The following FBXW11 variants were observed in gnomAD, a reference collection of about 807,000 sequenced individuals.
FBXW11 encodes the protein F-box/WD repeat-containing protein 11.
FBXW11 carries 19 observed loss-of-function variants against 77.6 expected under a neutral mutation model. The observed-to-expected ratio is 0.24, with a 90% confidence interval of 0.17 to 0.36. The LOEUF (loss-of-function observed/expected upper bound fraction) is 0.36, where lower values mean the gene tolerates loss of function less well. Among genes scored for constraint, FBXW11 ranks in the 10% least tolerant of loss-of-function variants. The probability of loss-of-function intolerance (pLI) is 1.00; values close to 1 mark genes in which losing one functional copy is unlikely to be tolerated. For missense variants in FBXW11, 334 were observed against 704.2 expected (o/e 0.47, Z 5.95); for synonymous variants, 235 against 249.4 (o/e 0.94, Z 0.54).
At chr5:171,974,578 C>T (rs547794361) in intron 1 of FBXW11, among the ~76,000 whole-genome samples, 6 of 151,780 alleles carry the variant, frequency 4.0e-5, no homozygotes, top group South Asian at 2.1e-4. Flanking sequence ...AGGAAGAAGC[C>T]GAGCATAACC....
intron 2 of FBXW11, among the ~76,000 whole-genome samples, chr5:171,917,880 G>T (rs1447229888): frequency 6.6e-6 from 1 of 151,208 alleles, no homozygotes; most frequent in East Asian, 1.9e-4. Context: ...AGATACAAAA[G>T]GTTCTATAAT....
At chr5:171,906,313 C>A (rs1760515921) in intron 4 of FBXW11, among the ~76,000 whole-genome samples, 1 of 150,008 alleles carries the variant, frequency 6.7e-6, no homozygotes, top group Admixed American at 6.6e-5. Flanking sequence ...CAATTGCTAA[C>A]AGCAACAGTC....
At chr5:171,871,086 T>C (rs1414988667) in intron 10 of FBXW11, among the ~76,000 whole-genome samples, 2 of 152,226 alleles carry the variant, frequency 1.3e-5, no homozygotes, top group African/African-American at 4.8e-5. Flanking sequence ...TTTTATTCTA[T>C]TTCCTTTTAT....
At chr5:171,915,324 T>C (rs1423326558) in intron 2 of FBXW11, among the ~76,000 whole-genome samples, 1 of 152,232 alleles carries the variant, frequency 6.6e-6, no homozygotes, top group Non-Finnish European at 1.5e-5. Context: ...AAGGTATCAG[T>C]GTTTTACAAG....
chr5:171,979,942 CA>C, intron 1 of FBXW11, among the ~76,000 whole-genome samples: 1 of 152,236 alleles, frequency 6.6e-6, no homozygotes, highest in Middle Eastern at 3.4e-3. Flanking sequence ...GATTGGCTAG[CA>C]ACTTAGAACT....
intron 2 of FBXW11, among the ~76,000 whole-genome samples, chr5:171,938,159 G>A (rs1419017661): frequency 6.6e-6 from 1 of 152,222 alleles, no homozygotes; most frequent in African/African-American, 2.4e-5. Flanking sequence ...CCAGACTCAA[G>A]TTATCCTCCC....
At chr5:171,937,837 C>CAAAAAAAAAAAAA (rs893848306) in intron 2 of FBXW11, among the ~76,000 whole-genome samples, 2 of 57,780 alleles carry the variant, frequency 3.5e-5, no homozygotes, top group African/African-American at 4.9e-5. Flanking sequence ...CAAAAAAAAG[C>CAAAAAAAAAAAAA]AAAAAAAAAA....
rs1043952261 is a variant in FBXW11, at chr5:171,863,801, T to C, written c.*326A>G. The C allele has an allele frequency of 3.9e-5, 6 of 152,636 alleles. No individual in the cohort carries two copies. Among genetic ancestry groups the C allele is most frequent in the South Asian group, 2.1e-4 (1 of 4,828 alleles). The allele number at this position is 152,636 out of a possible 1,614,324, so 9.5% of individuals were successfully genotyped here. On this transcript the variant is annotated 3_prime_UTR_variant, in exon 14 of 14. Coordinates refer to ENST00000517395, the MANE Select transcript of FBXW11 (RefSeq NM_001378974.1). The stretch of plus-strand genomic sequence containing the variant: ...GGCCAAGTCTTCTCTTGACGGTCGA[T>C]TTACTTCTGTAAAACAGATTCTATG...
intron 1 of FBXW11, among the ~76,000 whole-genome samples, chr5:171,969,653 T>C (rs1764412769): frequency 6.6e-6 from 1 of 152,238 alleles, no homozygotes; most frequent in Non-Finnish European, 1.5e-5. Flanking sequence ...ACATTTTAAA[T>C]AAATGCAGTT....
intron 6 of FBXW11, among the ~76,000 whole-genome samples, chr5:171,893,407 G>A (rs1370344611): frequency 2.8e-5 from 1 of 35,682 alleles, no homozygotes; most frequent in Non-Finnish European, 5.8e-5. Context: ...ACATACAAAA[G>A]CACACTTCAA....
At chr5:171,966,229 T>G (rs1764179638) in intron 1 of FBXW11, among the ~76,000 whole-genome samples, 1 of 152,230 alleles carries the variant, frequency 6.6e-6, no homozygotes, top group Admixed American at 6.5e-5. Flanking sequence ...GAGTCCATCT[T>G]AAACATCCAC....
chr5:171,918,302 G>A (rs1761383836), intron 2 of FBXW11, among the ~76,000 whole-genome samples: 1 of 151,988 alleles, frequency 6.6e-6, no homozygotes, highest in Non-Finnish European at 1.5e-5. Context: ...AAGTGGTGAT[G>A]GCAAAAATAG....
intron 1 of FBXW11, among the ~76,000 whole-genome samples, chr5:172,002,635 A>T (rs982618640): frequency 6.6e-6 from 1 of 151,424 alleles, no homozygotes; most frequent in African/African-American, 2.4e-5. Context: ...AAAAGATCCA[A>T]AAAGAAAAAA....
intron 1 of FBXW11, among the ~76,000 whole-genome samples, chr5:172,003,942 C>T (rs1766569307): frequency 6.6e-6 from 1 of 152,170 alleles, no homozygotes; most frequent in Non-Finnish European, 1.5e-5. Context: ...CTGGTACAAG[C>T]AGCACAATCA....
At chr5:171,898,945 CAT>C in intron 6 of FBXW11, 57 bp downstream of exon 6, 1 of 1,117,654 alleles carries the variant, frequency 8.9e-7, no homozygotes, top group Non-Finnish European at 1.3e-6. Context: ...TCTAAGGCAA[CAT>C]AAAAAGTTGA....
chr5:171,991,070 C>T (rs917796027), intron 1 of FBXW11, among the ~76,000 whole-genome samples: 2 of 152,176 alleles, frequency 1.3e-5, no homozygotes, highest in Admixed American at 6.5e-5. Context: ...AGGTGATCCA[C>T]CTGCCTCAGC....
At chr5:171,979,105 C>T (rs1765007243) in intron 1 of FBXW11, among the ~76,000 whole-genome samples, 1 of 152,078 alleles carries the variant, frequency 6.6e-6, no homozygotes, top group African/African-American at 2.4e-5. Flanking sequence ...CCATCCTGTG[C>T]AACATAGGGA....
At position 171,866,563 on chromosome 5, in the gene FBXW11, C is replaced by T. The variant is rs181615035; in HGVS notation, c.*25+2047G>A. ...TAAGAAACAGCATTGGTGATCACTGCTTCATCTCTCAACCAAAGGAATCTT... is the reference window on the plus strand; with the variant it reads ...TAAGAAACAGCATTGGTGATCACTGTTTCATCTCTCAACCAAAGGAATCTT... On this transcript the variant is annotated intron_variant, in intron 13 of 13. Transcript: ENST00000517395. 1.8e-3 allele frequency among the ~76,000 whole-genome samples: 278 copies of T among 152,266 alleles called. 1 individual carries two copies. Among genetic ancestry groups the T allele is most frequent in the Non-Finnish European group, 2.8e-3 (193 of 68,016 alleles).
rs1446629384 is a variant in FBXW11, at chr5:171,987,444, G to T, written c.45+19014C>A. ...AGCCTCAAAGGGTAAGTTTTTTTGG[G>T]TTTTTTTTGTTTGTTTGTTTTTTTG... On this transcript the variant is annotated intron_variant, in intron 1 of 13. Transcript: ENST00000517395. Among the ~76,000 whole-genome samples the T allele has an allele frequency of 8.6e-5, 13 of 151,426 alleles. No homozygotes were observed. In the East Asian group the frequency reaches 1.9e-3, roughly 23 times the overall value.
Sources: gnomAD v4.1 joint callset for allele counts (sites outside exome capture counted in the v4.1 genomes callset) on GRCh38, gnomAD v4.1.1 for gene constraint, MANE v1.5 for transcripts, NCBI Gene and HGNC (gene_info 2026-07-23, HGNC 2026-07-21) for gene names.